The following SYN3 variants were observed in gnomAD, a reference collection of about 807,000 sequenced individuals.
SYN3 encodes synapsin-3.
Under a neutral mutation model 65.8 loss-of-function variants are expected in SYN3, and 35 were observed. The ratio of observed to expected loss-of-function variants is 0.53; its 90% CI spans 0.41 to 0.70. The LOEUF is 0.70. Ranked by LOEUF, SYN3 falls within the 30% of genes least tolerant of loss-of-function variation. The probability of loss-of-function intolerance (pLI) is 0.00; values close to 1 mark genes in which losing one functional copy is unlikely to be tolerated. For missense variants in SYN3, 680 were observed against 749.0 expected, an observed-to-expected ratio of 0.91 and a Z score of 1.08; for synonymous variants, 270 against 292.9, an observed-to-expected ratio of 0.92 and a Z score of 0.80.
At chr22:32,681,897 TC>T (rs1364645792) in intron 6 of SYN3, among the ~76,000 whole-genome samples, 1 of 151,718 alleles carries the variant, frequency 6.6e-6, no homozygotes, top group Non-Finnish European at 1.5e-5. Flanking sequence ...GGATAGAGAG[TC>T]CTGGAGGTAT....
intron 4 of SYN3, among the ~76,000 whole-genome samples, chr22:32,914,618 A>G (rs1486019113): frequency 2.7e-5 from 4 of 149,434 alleles, no homozygotes; most frequent in Non-Finnish European, 5.9e-5. Context: ...TTTTTTTTGT[A>G]TTTTTAGTAG....
At chr22:32,895,370 T>C (rs1223826190) in intron 4 of SYN3, among the ~76,000 whole-genome samples, 5 of 152,228 alleles carry the variant, frequency 3.3e-5, no homozygotes, top group South Asian at 4.1e-4. Flanking sequence ...CAATTCCTTA[T>C]AGTAAATCTG....
At chr22:32,956,871 G>A (rs1312810703) in intron 3 of SYN3, among the ~76,000 whole-genome samples, 1 of 152,162 alleles carries the variant, frequency 6.6e-6, no homozygotes, top group Non-Finnish European at 1.5e-5. Flanking sequence ...TCTCCACAGT[G>A]GCTGCCTCAT....
At chr22:32,932,930 T>A (rs1478800892) in intron 3 of SYN3, among the ~76,000 whole-genome samples, 2 of 152,176 alleles carry the variant, frequency 1.3e-5, no homozygotes, top group African/African-American at 4.8e-5. Flanking sequence ...TAGATGGCCA[T>A]CTGCTCCCTG....
At chr22:32,909,191 C>T (rs1159752960) in intron 4 of SYN3, among the ~76,000 whole-genome samples, 1 of 152,168 alleles carries the variant, frequency 6.6e-6, no homozygotes, top group Non-Finnish European at 1.5e-5. Flanking sequence ...TAGAGATACA[C>T]CTGGGTTCAT....
chr22:32,639,663 C>T (rs974984231), intron 6 of SYN3, among the ~76,000 whole-genome samples: 27 of 152,004 alleles, frequency 1.8e-4, no homozygotes, highest in Non-Finnish European at 3.4e-4. Flanking sequence ...TATACCATCT[C>T]AGTCTCCCTA....
intron 6 of SYN3, among the ~76,000 whole-genome samples, chr22:32,643,564 G>C (rs942183961): frequency 7.3e-5 from 7 of 95,584 alleles, no homozygotes; most frequent in African/African-American, 1.2e-4. Flanking sequence ...GGGCGGGGGG[G>C]GCAGAACAGA....
chr22:32,663,972 A>G (rs2060254669), intron 6 of SYN3, among the ~76,000 whole-genome samples: 2 of 152,126 alleles, frequency 1.3e-5, no homozygotes, highest in Non-Finnish European at 2.9e-5. Flanking sequence ...GATCCTGCAA[A>G]TTATGTAGCC....
In SYN3 at chr22:33,006,746, G is replaced by C. The variant is rs1323749604; in HGVS notation, c.-84C>G. 7.1e-7 allele frequency: 1 copy of C among 1,406,480 alleles called. No individual in the cohort carries two copies. Among genetic ancestry groups the C allele is most frequent in the Non-Finnish European group, 9.6e-7 (1 of 1,037,466 alleles). 87.1% of individuals were successfully genotyped at this position (1,406,480 alleles called of 1,614,324 possible). A position where few individuals can be genotyped will look rare whatever the true frequency, so the allele number is the denominator to read the frequency against. ...AAGACAGGCTGCTGCCAGGTACAGG[G>C]AGTGGTAGGACTTTAGCCAGAAGAG... On this transcript the variant is annotated 5_prime_UTR_variant, in exon 2 of 14. Coordinates refer to ENST00000358763, the MANE Select transcript of SYN3 (RefSeq NM_003490.4).
chr22:32,759,654 C>G (rs1253506898), intron 6 of SYN3, among the ~76,000 whole-genome samples: 5 of 143,450 alleles, frequency 3.5e-5, no homozygotes, highest in Admixed American at 7.0e-5. Flanking sequence ...CACTCACCCA[C>G]CCCCAGCCAG....
chr22:32,701,150 A>C (rs2147200193), intron 6 of SYN3, among the ~76,000 whole-genome samples: 1 of 152,324 alleles, frequency 6.6e-6, no homozygotes, highest in African/African-American at 2.4e-5. Context: ...TTCTCTGCAG[A>C]GTAATAATAA....
At chr22:32,855,197 C>T (rs780600322) in intron 6 of SYN3, among the ~76,000 whole-genome samples, 33 of 152,332 alleles carry the variant, frequency 2.2e-4, no homozygotes, top group Non-Finnish European at 4.3e-4. Flanking sequence ...GGTGCCCCAC[C>T]GCCCCCGTTA....
intron 6 of SYN3, among the ~76,000 whole-genome samples, chr22:32,703,864 C>T (rs1278146698): frequency 6.6e-6 from 1 of 152,086 alleles, no homozygotes; most frequent in Non-Finnish European, 1.5e-5. Context: ...ATTTCAAATG[C>T]ATTTTTGATA....
intron 1 of SYN3, among the ~76,000 whole-genome samples, chr22:33,036,563 T>C (rs1327832114): frequency 6.6e-6 from 1 of 152,104 alleles, no homozygotes; most frequent in Non-Finnish European, 1.5e-5. Flanking sequence ...CTGGCTTCTA[T>C]CAGCTTCCCC....
In SYN3 at chr22:33,040,699, T is replaced by TC. The variant is rs1190938494; in HGVS notation, c.-163+17592dup. Among the ~76,000 whole-genome samples the TC allele has an allele frequency of 2.6e-5, 4 of 152,254 alleles. No individual in the cohort carries two copies. In the South Asian group the frequency reaches 8.3e-4, roughly 32 times the overall value. ...GTAATTGAATCATGGGGGTGGTTTT[T>TC]CCCATACTGTTCTCGTGATAATGAG... On this transcript the variant is annotated intron_variant, in intron 1 of 13. Transcript: ENST00000358763.
At chr22:32,559,399 A>G (rs1412418902) in intron 7 of SYN3, among the ~76,000 whole-genome samples, 1 of 152,230 alleles carries the variant, frequency 6.6e-6, no homozygotes, top group Non-Finnish European at 1.5e-5. Flanking sequence ...AGACATGAGG[A>G]GGGCCAAGAG....
intron 12 of SYN3, among the ~76,000 whole-genome samples, chr22:32,526,272 G>C (rs1308994533): frequency 6.6e-6 from 1 of 152,074 alleles, no homozygotes; most frequent in Non-Finnish European, 1.5e-5. Flanking sequence ...TCTGTACACA[G>C]TTGTGTACAA....
chr22:32,913,108 T>G (rs1386173346), intron 4 of SYN3, among the ~76,000 whole-genome samples: 1 of 152,016 alleles, frequency 6.6e-6, no homozygotes, highest in African/African-American at 2.4e-5. Flanking sequence ...CAAACTGTAC[T>G]TTCTGTACAA....
chr22:32,582,576 C>T (rs1458329219), intron 7 of SYN3, among the ~76,000 whole-genome samples: 1 of 151,986 alleles, frequency 6.6e-6, no homozygotes. Flanking sequence ...GGGTGGGTCT[C>T]ACCATGCTGC....
Sources: gnomAD v4.1 joint callset for allele counts (sites outside exome capture counted in the v4.1 genomes callset) on GRCh38, gnomAD v4.1.1 for gene constraint, MANE v1.5 for transcripts, NCBI Gene and HGNC (gene_info 2026-07-23, HGNC 2026-07-21) for gene names.